The following KHDRBS2 variants were observed in gnomAD, a reference collection of about 807,000 sequenced individuals.
The protein encoded by KHDRBS2 is KH domain-containing, RNA-binding, signal transduction-associated protein 2.
Under a neutral mutation model 44.3 loss-of-function variants are expected in KHDRBS2, and 26 were observed. The ratio of observed to expected loss-of-function variants is 0.59; its 90% CI spans 0.43 to 0.81. The LOEUF (loss-of-function observed/expected upper bound fraction) is 0.81. Among genes scored for constraint, KHDRBS2 ranks in the 40% least tolerant of loss-of-function variants. The pLI is 0.00. For synonymous variants in KHDRBS2, 194 were observed against 151.1 expected (o/e 1.28, Z -2.08); for missense variants, 476 against 433.1 (o/e 1.10, Z -0.88).
chr6:62,004,944 C>T (rs1778945663), intron 3 of KHDRBS2, among the ~76,000 whole-genome samples: 1 of 152,066 alleles, frequency 6.6e-6, no homozygotes, highest in African/African-American at 2.4e-5. Context: ...GCAGAAAAGG[C>T]CTTCGACAAA....
chr6:61,952,432 T>C (rs1480583849), intron 4 of KHDRBS2, among the ~76,000 whole-genome samples: 1 of 152,094 alleles, frequency 6.6e-6, no homozygotes, highest in Non-Finnish European at 1.5e-5. Context: ...GTTTCCCAGT[T>C]TGGACATTTA....
intron 1 of KHDRBS2, among the ~76,000 whole-genome samples, chr6:62,241,967 A>C (rs1235230462): frequency 6.6e-6 from 1 of 152,178 alleles, no homozygotes; most frequent in Non-Finnish European, 1.5e-5. Context: ...GTAGCATTTC[A>C]ACATCAGGAA....
chr6:61,734,979 A>T (rs1409157041), intron 6 of KHDRBS2, among the ~76,000 whole-genome samples: 2 of 152,262 alleles, frequency 1.3e-5, no homozygotes, highest in East Asian at 3.9e-4. Flanking sequence ...CATTGTTGGT[A>T]GTGAATTTCC....
chr6:61,782,726 TATATATATATATACAC>T (rs1562170395), intron 6 of KHDRBS2, among the ~76,000 whole-genome samples: 1 of 100,602 alleles, frequency 9.9e-6, no homozygotes, highest in African/African-American at 4.6e-5. Flanking sequence ...TATATATATA[TATATATATATATACAC>T]ACACACATAT....
intron 2 of KHDRBS2, among the ~76,000 whole-genome samples, chr6:62,093,378 T>C (rs565246082): frequency 1.3e-5 from 2 of 152,114 alleles, no homozygotes; most frequent in South Asian, 2.1e-4. Context: ...TAATTATACA[T>C]ATTTGTGGAG....
At chr6:61,894,319 A>G (rs1802519732) in intron 6 of KHDRBS2, among the ~76,000 whole-genome samples, 1 of 152,114 alleles carries the variant, frequency 6.6e-6, no homozygotes, top group Non-Finnish European at 1.5e-5. Flanking sequence ...AGTTCCAGAA[A>G]TCTCTGAATA....
chr6:62,116,827 AT>A (rs1806345938), intron 2 of KHDRBS2, among the ~76,000 whole-genome samples: 1 of 151,742 alleles, frequency 6.6e-6, no homozygotes, highest in Non-Finnish European at 1.5e-5. Flanking sequence ...TGAGATCAAT[AT>A]TTTTTGGCTC....
chr6:62,088,762 C>T (rs1192002373), intron 2 of KHDRBS2, among the ~76,000 whole-genome samples: 2 of 152,180 alleles, frequency 1.3e-5, no homozygotes, highest in Admixed American at 1.3e-4. Flanking sequence ...GCTTGGAGAT[C>T]CACTCTCTCT....
At chr6:61,623,943 G>A in the KHDRBS2 span, among the ~76,000 whole-genome samples, 3 of 152,168 alleles carry the variant, frequency 2.0e-5, no homozygotes, top group Non-Finnish European at 4.4e-5. Flanking sequence ...TAGTCACCTG[G>A]TTATCTACTT....
At chr6:61,627,930 G>A in the KHDRBS2 span, among the ~76,000 whole-genome samples, 3 of 152,258 alleles carry the variant, frequency 2.0e-5, no homozygotes, top group East Asian at 5.8e-4. Context: ...AAGTATGGGT[G>A]GCCTGGGAAC....
intron 8 of KHDRBS2, among the ~76,000 whole-genome samples, chr6:61,696,437 T>G (rs1210975751): frequency 1.3e-5 from 2 of 151,738 alleles, no homozygotes; most frequent in Non-Finnish European, 2.9e-5. Flanking sequence ...TTTTGTATTT[T>G]TGGTAGAGAC....
At chr6:62,229,184 G>T (rs1170050491) in intron 1 of KHDRBS2, among the ~76,000 whole-genome samples, 1 of 152,080 alleles carries the variant, frequency 6.6e-6, no homozygotes, top group Non-Finnish European at 1.5e-5. Context: ...GATCAGAGTT[G>T]GGTCCCTAAG....
chr6:62,211,640 A>T (rs528914388), intron 1 of KHDRBS2, among the ~76,000 whole-genome samples: 43 of 152,308 alleles, frequency 2.8e-4, no homozygotes, highest in African/African-American at 9.6e-4. Flanking sequence ...TCAGGAATAC[A>T]TGTGCAGGTT....
At chr6:61,968,706 A>T (rs1277790252) in intron 4 of KHDRBS2, among the ~76,000 whole-genome samples, 1 of 152,030 alleles carries the variant, frequency 6.6e-6, no homozygotes, top group Non-Finnish European at 1.5e-5. Flanking sequence ...AGTGCCCTTC[A>T]ATACAGCATG....
At chr6:61,591,720 C>T in the KHDRBS2 span, among the ~76,000 whole-genome samples, 1 of 152,136 alleles carries the variant, frequency 6.6e-6, no homozygotes, top group South Asian at 2.1e-4. Flanking sequence ...AAAGTTGCCT[C>T]TACCCATAAA....
chr6:61,927,732 A>G (rs148429012), intron 4 of KHDRBS2, among the ~76,000 whole-genome samples: 1 of 152,164 alleles, frequency 6.6e-6, no homozygotes, highest in Non-Finnish European at 1.5e-5. Flanking sequence ...TCAATTCACA[A>G]TAAATCGATG....
intron 1 of KHDRBS2, among the ~76,000 whole-genome samples, chr6:62,197,807 C>G (rs1254553890): frequency 6.6e-6 from 1 of 152,122 alleles, no homozygotes. Context: ...CCACACCACA[C>G]CTATTCCAAA....
chr6:62,139,597 G>A (rs1046466968), intron 2 of KHDRBS2, among the ~76,000 whole-genome samples: 1 of 151,560 alleles, frequency 6.6e-6, no homozygotes, highest in Non-Finnish European at 1.5e-5. Context: ...CAAATTTGGA[G>A]GAAATACAAA....
At chr6:61,826,794 C>G (rs1432591634) in intron 6 of KHDRBS2, among the ~76,000 whole-genome samples, 1 of 152,090 alleles carries the variant, frequency 6.6e-6, no homozygotes, top group African/African-American at 2.4e-5. Flanking sequence ...TTTCTACTCA[C>G]AAACCCTTAC....
Sources: gnomAD v4.1 joint callset for allele counts (sites outside exome capture counted in the v4.1 genomes callset) on GRCh38, gnomAD v4.1.1 for gene constraint, MANE v1.5 for transcripts, NCBI Gene and HGNC (gene_info 2026-07-23, HGNC 2026-07-21) for gene names.